TSHZ3: variants seen among roughly 807,000 people sequenced by gnomAD.
The protein encoded by TSHZ3 is teashirt zinc finger homeobox 3.
TSHZ3 carries 10 observed loss-of-function variants against 64.5 expected under a neutral mutation model. That is an observed-to-expected ratio of 0.16 (90% CI 0.10 to 0.26). The LOEUF (loss-of-function observed/expected upper bound fraction) is 0.26, where lower values mean the gene tolerates loss of function less well. TSHZ3 is among the 10% of genes least tolerant of loss of function. The pLI is 1.00. For synonymous variants in TSHZ3, 608 were observed against 593.1 expected (o/e 1.03, Z -0.36); for missense variants, 1,242 against 1,421.7 (o/e 0.87, Z 2.03).
intron 5 of TSHZ3, among the ~76,000 whole-genome samples, chr19:31,173,772 C>T (rs1281906665): frequency 6.6e-6 from 1 of 152,168 alleles, no homozygotes; most frequent in Non-Finnish European, 1.5e-5. Flanking sequence ...CAACAGGATA[C>T]ATAGATGTAA....
At chr19:31,246,658 G>A (rs979254572) in intron 1 of TSHZ3, among the ~76,000 whole-genome samples, 2 of 152,092 alleles carry the variant, frequency 1.3e-5, no homozygotes, top group African/African-American at 4.8e-5. Context: ...GAGAAGGAGA[G>A]AGATAAAGAA....
intron 1 of TSHZ3, among the ~76,000 whole-genome samples, chr19:31,303,100 A>G (rs1210796081): frequency 3.9e-5 from 6 of 152,214 alleles, no homozygotes; most frequent in African/African-American, 1.4e-4. Context: ...ATACGTTTGA[A>G]CAAACAACTC....
At chr19:31,180,349 C>A (rs981039813) in intron 5 of TSHZ3, among the ~76,000 whole-genome samples, 4 of 152,182 alleles carry the variant, frequency 2.6e-5, no homozygotes, top group Admixed American at 1.3e-4. Flanking sequence ...ACCATAGGCA[C>A]TTAGCAAATG....
intron 5 of TSHZ3, among the ~76,000 whole-genome samples, chr19:31,168,597 A>G (rs1974490001): frequency 6.6e-6 from 1 of 152,188 alleles, no homozygotes; most frequent in Non-Finnish European, 1.5e-5. Flanking sequence ...GACTAACTCA[A>G]AGGGTCAGAG....
At chr19:31,220,811 T>C (rs937668337) in intron 4 of TSHZ3, among the ~76,000 whole-genome samples, 1 of 152,146 alleles carries the variant, frequency 6.6e-6, no homozygotes, top group African/African-American at 2.4e-5. Flanking sequence ...AGTCTAGCTG[T>C]GTGCTCAGAA....
At chr19:31,189,079 A>T (rs1974861138) in intron 5 of TSHZ3, among the ~76,000 whole-genome samples, 2 of 151,824 alleles carry the variant, frequency 1.3e-5, no homozygotes, top group African/African-American at 2.4e-5. Context: ...GCATTCCCTT[A>T]TTTATACTTT....
At chr19:31,171,115 C>G (rs1213047843) in intron 5 of TSHZ3, among the ~76,000 whole-genome samples, 1 of 152,050 alleles carries the variant, frequency 6.6e-6, no homozygotes, top group Admixed American at 6.6e-5. Flanking sequence ...AAAATGTACA[C>G]TTGGTAGAAA....
intron 5 of TSHZ3, among the ~76,000 whole-genome samples, chr19:31,192,385 G>A (rs1390760): frequency 0.69 from 104,477 of 152,034 alleles, 36,023 homozygotes; most frequent in African/African-American, 0.74. Flanking sequence ...TCCAATGTAT[G>A]AAAACAGATG....
intron 1 of TSHZ3, among the ~76,000 whole-genome samples, chr19:31,343,021 T>C (rs1016171322): frequency 6.6e-6 from 1 of 152,202 alleles, no homozygotes; most frequent in African/African-American, 2.4e-5. Context: ...GATCTAGAAC[T>C]AACAGTGTCT....
At chr19:31,234,710 T>A (rs1034855778) in intron 3 of TSHZ3, among the ~76,000 whole-genome samples, 6 of 152,250 alleles carry the variant, frequency 3.9e-5, no homozygotes, top group South Asian at 2.1e-4. Context: ...TGTTGGAACA[T>A]CTTTGCAATA....
At chr19:31,196,580 C>T (rs1841261482) in intron 5 of TSHZ3, among the ~76,000 whole-genome samples, 1 of 151,888 alleles carries the variant, frequency 6.6e-6, no homozygotes, top group Non-Finnish European at 1.5e-5. Context: ...CTAGCAGAAA[C>T]CCACTTTAAA....
intron 5 of TSHZ3, among the ~76,000 whole-genome samples, chr19:31,176,119 G>C (rs965370966): frequency 6.6e-6 from 1 of 152,314 alleles, no homozygotes; most frequent in East Asian, 1.9e-4. Flanking sequence ...GTGGTAAAAA[G>C]AGAGGGATCT....
chr19:31,160,745 CAT>C (rs1159572116), intron 5 of TSHZ3, among the ~76,000 whole-genome samples: 14 of 152,110 alleles, frequency 9.2e-5, no homozygotes, highest in East Asian at 5.8e-4. Context: ...TACACACACA[CAT>C]ACACAAAACT....
chr19:31,299,217 C>T (rs921575986), intron 1 of TSHZ3, among the ~76,000 whole-genome samples: 8 of 152,100 alleles, frequency 5.3e-5, no homozygotes, highest in African/African-American at 1.2e-4. Context: ...GACACACAAC[C>T]GCATGGCGAC....
At position 31,339,831 on chromosome 19, in the gene TSHZ3, C is replaced by G. The variant is rs528770757; in HGVS notation, c.40+9349G>C. On this transcript the variant is annotated intron_variant, in intron 1 of 1. Transcript: ENST00000240587. ...AGGGGGGGGCGTTCTGCTGCTGATA[C>G]CTGCAAAAGGCCACGCACGTGTCGA... Among the ~76,000 whole-genome samples, 6 of 151,356 alleles carry G rather than the reference C, an allele frequency of 4.0e-5. No homozygotes were observed. In the South Asian group the frequency reaches 8.3e-4, roughly 21 times the overall value.
intron 4 of TSHZ3, among the ~76,000 whole-genome samples, chr19:31,210,390 G>A (rs1975247378): frequency 6.6e-6 from 1 of 152,184 alleles, no homozygotes; most frequent in Non-Finnish European, 1.5e-5. Context: ...ATCAGGGCTG[G>A]TGACAAGGGC....
intron 5 of TSHZ3, among the ~76,000 whole-genome samples, chr19:31,158,272 G>GA (rs978787236): frequency 6.6e-6 from 1 of 152,018 alleles, no homozygotes; most frequent in Admixed American, 6.6e-5. Context: ...GGACAATAGA[G>GA]AAAAAAATAT....
rs114250461 is a variant in TSHZ3 at position 31,283,000 on chromosome 19, C to G, written c.41-3248G>C. On this transcript the variant is annotated intron_variant, in intron 1 of 1. Coordinates refer to ENST00000240587, the MANE Select transcript of TSHZ3 (RefSeq NM_020856.4). ...GTGAGAAGTATTTCCTTAGGTGGAGCCTAAGACTTTTACCCACTGGTTCTC... is the reference window on the plus strand; with the variant it reads ...GTGAGAAGTATTTCCTTAGGTGGAGGCTAAGACTTTTACCCACTGGTTCTC... Among the ~76,000 whole-genome samples, 360 of 152,272 alleles carry G rather than the reference C, an allele frequency of 2.4e-3. 2 individuals carry two copies. The highest frequency in any genetic ancestry group is 8.1e-3 in the African/African-American group (338 of 41,574).
intron 1 of TSHZ3, among the ~76,000 whole-genome samples, chr19:31,344,552 C>A (rs1444966133): frequency 1.3e-5 from 2 of 152,184 alleles, no homozygotes; most frequent in African/African-American, 4.8e-5. Flanking sequence ...TGCACCAGGA[C>A]CGGGCACTTC....
Sources: allele counts gnomAD v4.1 joint callset (sites outside exome capture counted in the v4.1 genomes callset), GRCh38; gene constraint gnomAD v4.1.1; transcripts MANE v1.5; gene names NCBI Gene and HGNC (gene_info 2026-07-23, HGNC 2026-07-21).